TG: variants seen among roughly 807,000 people sequenced by gnomAD.
TG encodes the protein thyroid hormones.
In TG, 270 loss-of-function variants were observed where a neutral mutation model predicts 324.7. The ratio of observed to expected loss-of-function variants is 0.83; its 90% CI spans 0.75 to 0.92. The LOEUF is 0.92. Among genes scored for constraint, TG ranks in the 40% least tolerant of loss-of-function variants. The pLI, the probability that TG is intolerant of heterozygous loss-of-function variation, is 0.00. For missense variants in TG, 3,591 were observed against 3,456.4 expected (o/e 1.04, Z -0.98); for synonymous variants, 1,401 against 1,327.0 (o/e 1.06, Z -1.21).
At chr8:132,976,140 G>A (rs540495438) in intron 34 of TG, among the ~76,000 whole-genome samples, 2 of 152,312 alleles carry the variant, frequency 1.3e-5, no homozygotes, top group Admixed American at 1.3e-4. Flanking sequence ...ATGGGAGAAA[G>A]AAATTGTGCT....
At chr8:132,936,598 A>G (rs1319476502) in intron 25 of TG, among the ~76,000 whole-genome samples, 1 of 152,212 alleles carries the variant, frequency 6.6e-6, no homozygotes, top group African/African-American at 2.4e-5. Context: ...TCTTGGAGAA[A>G]GGCACAAAGG....
chr8:132,961,900 T>C (rs566099992), intron 28 of TG, among the ~76,000 whole-genome samples: 94 of 152,304 alleles, frequency 6.2e-4, no homozygotes, highest in South Asian at 1.0e-3. Flanking sequence ...AGGCACAGAC[T>C]TGGAATGATG....
intron 1 of TG, 119 bp downstream of exon 1, chr8:132,867,186 A>C: frequency 1.1e-6 from 1 of 910,790 alleles, no homozygotes; most frequent in Non-Finnish European, 1.7e-6. Flanking sequence ...CCCACATGTC[A>C]GTGATTTGCT....
rs147372622 is a variant in TG at position 132,939,450 on chromosome 8, A to T, written c.5042-1901A>T. On this transcript the variant is annotated intron_variant, in intron 25 of 47. Coordinates refer to ENST00000220616, the MANE Select transcript of TG (RefSeq NM_003235.5). ...GTATGAGGGATCAAGGGAGAGAGAG[A>T]TGAATTCTAACTGTACAAATGCAGA... 8.7e-4 allele frequency among the ~76,000 whole-genome samples: 132 copies of T among 152,248 alleles called. 2 individuals carry two copies. Among genetic ancestry groups the T allele is most frequent in the African/African-American group, 3.1e-3 (129 of 41,548 alleles).
intron 22 of TG, among the ~76,000 whole-genome samples, chr8:132,926,606 G>A (rs1821901505): frequency 6.6e-6 from 1 of 152,306 alleles, no homozygotes; most frequent in African/African-American, 2.4e-5. Context: ...ATTTCCTAAA[G>A]GTCTTCAGGG....
chr8:133,091,588 GTC>G (rs1847538070), intron 41 of TG, among the ~76,000 whole-genome samples: 1 of 152,094 alleles, frequency 6.6e-6, no homozygotes, highest in African/African-American at 2.4e-5. Flanking sequence ...GTGTGTATGT[GTC>G]TGAGTGTGTG....
At chr8:133,056,123 G>T (rs1326446268) in intron 41 of TG, among the ~76,000 whole-genome samples, 1 of 152,130 alleles carries the variant, frequency 6.6e-6, no homozygotes, top group Non-Finnish European at 1.5e-5. Context: ...GGTCTCCTTT[G>T]ACATAGTTGA....
chr8:132,948,713 G>C (rs539761908), intron 26 of TG, 63 bp from the exon 27 acceptor site: 216 of 1,563,322 alleles, frequency 1.4e-4, no homozygotes, highest in Non-Finnish European at 1.8e-4. Context: ...TCAGGGGACA[G>C]AGAAGAGTCT....
intron 26 of TG, among the ~76,000 whole-genome samples, chr8:132,946,553 C>G (rs1421832703): frequency 3.9e-5 from 6 of 152,158 alleles, no homozygotes; most frequent in Admixed American, 3.3e-4. Flanking sequence ...CATCCTTTAC[C>G]ACAGTCTGGA....
At chr8:132,893,207 ATG>A (rs748209519) in intron 10 of TG, among the ~76,000 whole-genome samples, 4 of 73,466 alleles carry the variant, frequency 5.4e-5, no homozygotes, top group Admixed American at 1.5e-4. Context: ...TGTGGTGTGT[ATG>A]TGTGTGTGGT....
chr8:132,869,308 C>T (rs1045246384), intron 2 of TG, among the ~76,000 whole-genome samples: 10 of 152,216 alleles, frequency 6.6e-5, no homozygotes, highest in African/African-American at 2.2e-4. Flanking sequence ...CACCCATGTG[C>T]TTCCCAATAT....
At chr8:133,012,091 GC>G in intron 36 of TG, 56 bp downstream of exon 36, 2 of 1,611,168 alleles carry the variant, frequency 1.2e-6, no homozygotes, top group Non-Finnish European at 1.7e-6. Context: ...CACAAGTGCT[GC>G]TCAAGATTCT....
At chr8:133,102,480 T>G in intron 43 of TG, 1 of 1,370,142 alleles carries the variant, frequency 7.3e-7, no homozygotes, top group Non-Finnish European at 1.0e-6. Flanking sequence ...CTGAAGACCC[T>G]CCCCCACATA....
Position 132,871,349 on chromosome 8 carries a change from T to C in TG, c.276T>C (p.Cys92=). 1.2e-6 allele frequency: 2 copies of C among 1,614,160 alleles called. No homozygotes were observed. The highest frequency in any genetic ancestry group is 2.2e-5 in the South Asian group (2 of 91,082). Residue 92 remains cysteine (C), a splice_region_variant and synonymous_variant, in exon 4 of 48, where the codon TGT becomes TGC. Transcript: ENST00000220616. The stretch of plus-strand genomic sequence containing the variant: ...TAACATTGCTCCTTGTACCCACAGG[T>C]CTGTCATTTTGTCAGCTACAGAAAC... ...GSRQPGRPVA[C]LSFCQLQKQQ...
intron 5 of TG, among the ~76,000 whole-genome samples, chr8:132,878,345 G>C (rs895221501): frequency 1.3e-5 from 2 of 151,882 alleles, no homozygotes; most frequent in Non-Finnish European, 2.9e-5. Flanking sequence ...GGTCCAGCGC[G>C]CTGGCTCACA....
In TG at chr8:132,923,020, TG is replaced by T. The variant is rs140417153; in HGVS notation, c.4529-317del. ...TTCGCGCAGCAAAGACTGGGGGAGC[TG>T]TGGGCCAGAAGAGGGCCCAGATGAG... On this transcript the variant is annotated intron_variant, in intron 21 of 47. Coordinates refer to ENST00000220616, the MANE Select transcript of TG (RefSeq NM_003235.5). Among the ~76,000 whole-genome samples, 211 of 152,230 alleles carry T rather than the reference TG, an allele frequency of 1.4e-3. 2 individuals are homozygous for T. The highest frequency in any genetic ancestry group is 5.0e-3 in the African/African-American group (207 of 41,542).
chr8:132,985,628 T>G (rs951715649), intron 35 of TG, among the ~76,000 whole-genome samples: 1 of 152,188 alleles, frequency 6.6e-6, no homozygotes, highest in African/African-American at 2.4e-5. Flanking sequence ...TAGCATCCTG[T>G]TACAATTGTC....
rs1465221643 is a variant in TG, at chr8:132,869,832, T to C, written c.274+6T>C. On this transcript the variant is annotated splice_donor_region_variant and intron_variant, in intron 3 of 47. Transcript: ENST00000220616. Reference sequence around the variant, plus strand: ...GCCAGGACGGCCTGTGGCTTGTAAGTGGGAGTGGGGGACGTCCCTTGGAGG... The same window carrying C: ...GCCAGGACGGCCTGTGGCTTGTAAGCGGGAGTGGGGGACGTCCCTTGGAGG... The C allele has an allele frequency of 6.2e-7, 1 of 1,613,502 alleles. No individual in the cohort carries two copies.
intron 22 of TG, among the ~76,000 whole-genome samples, chr8:132,928,565 A>G (rs1822223317): frequency 6.6e-6 from 1 of 152,184 alleles, no homozygotes; most frequent in Non-Finnish European, 1.5e-5. Context: ...GATGGTAGCT[A>G]GGAAAACAGA....
Sources: gnomAD v4.1 joint callset for allele counts (sites outside exome capture counted in the v4.1 genomes callset) on GRCh38, gnomAD v4.1.1 for gene constraint, MANE v1.5 for transcripts, NCBI Gene and HGNC (gene_info 2026-07-23, HGNC 2026-07-21) for gene names.